FER1L6: variants seen among roughly 807,000 people sequenced by gnomAD.
FER1L6 encodes the protein fer-1-like protein 6.
FER1L6 carries 177 observed loss-of-function variants against 219.2 expected under a neutral mutation model. The ratio of observed to expected loss-of-function variants is 0.81; its 90% CI spans 0.71 to 0.91. The LOEUF is 0.91. Among genes scored for constraint, FER1L6 ranks in the 40% least tolerant of loss-of-function variants. The pLI is 0.00. For missense variants in FER1L6, 2,153 were observed against 2,259.9 expected (o/e 0.95, Z 0.96); for synonymous variants, 768 against 824.3 (o/e 0.93, Z 1.17).
Position 123,909,031 on chromosome 8 carries a change from C to T in FER1L6, c.-7-46961C>T, listed in dbSNP as rs1310263781. On this transcript the variant is annotated intron_variant, in intron 1 of 40. Coordinates refer to ENST00000522917, the MANE Select transcript of FER1L6 (RefSeq NM_001039112.2). The stretch of plus-strand genomic sequence containing the variant: ...GCATGGCCCATGTAAAGGGATTAAC[C>T]ACTCCTCAGGCTCAGTTTGACTGTT... 2.0e-5 allele frequency among the ~76,000 whole-genome samples: 3 copies of T among 152,146 alleles called. No homozygotes were observed. The South Asian group carries it at 6.2e-4, about 32-fold the overall frequency.
At position 123,898,732 on chromosome 8, in the gene FER1L6, G is replaced by A. The variant is rs139619545; in HGVS notation, c.-8+46547G>A. Among the ~76,000 whole-genome samples, 801 of 135,064 alleles carry A rather than the reference G, an allele frequency of 5.9e-3. 13 individuals are homozygous for A. Among genetic ancestry groups the A allele is most frequent in the African/African-American group, 0.022 (776 of 35,548 alleles). The allele number at this position is 135,064 out of a possible 152,430, so 88.6% of individuals were successfully genotyped here. On this transcript the variant is annotated intron_variant, in intron 1 of 40. Coordinates refer to ENST00000522917, the MANE Select transcript of FER1L6 (RefSeq NM_001039112.2). ...GTATATACGTATATGTGTATATATA[G>A]TATATATACATATATACTATATATA...
At chr8:123,866,910 C>G (rs546517531) in intron 1 of FER1L6, among the ~76,000 whole-genome samples, 1 of 152,220 alleles carries the variant, frequency 6.6e-6, no homozygotes, top group Non-Finnish European at 1.5e-5. Context: ...TGAGCTACCA[C>G]GCCTGACCAG....
rs374842375 is a variant in FER1L6 at position 123,968,842 on chromosome 8, C to T, written c.385-1193C>T. ...GTTTTGCCCTTTGAAAGCAGGCCAT[C>T]GTCATTTGGTCAGTTCCTCCTTTCT... On this transcript the variant is annotated intron_variant, in intron 5 of 40. Transcript: ENST00000522917. 2.5e-4 allele frequency among the ~76,000 whole-genome samples: 38 copies of T among 152,188 alleles called. 1 individual carries two copies. The South Asian group carries it at 7.5e-3, about 30-fold the overall frequency.
At chr8:124,108,578 T>C (rs1822876585) in intron 39 of FER1L6, among the ~76,000 whole-genome samples, 1 of 152,136 alleles carries the variant, frequency 6.6e-6, no homozygotes, top group Non-Finnish European at 1.5e-5. Flanking sequence ...GGTTACACTT[T>C]TGGTAAATGT....
In FER1L6 at chr8:123,881,086, A is replaced by T. The variant is rs778533899; in HGVS notation, c.-8+28901A>T. On this transcript the variant is annotated intron_variant, in intron 1 of 40. Transcript: ENST00000522917. ...GACTGTTCACCTTGGGAGTAATTTGAGAGTTATCTTTTGCTTATTTACTTA... is the reference window on the plus strand; with the variant it reads ...GACTGTTCACCTTGGGAGTAATTTGTGAGTTATCTTTTGCTTATTTACTTA... Among the ~76,000 whole-genome samples the T allele has an allele frequency of 5.3e-5, 8 of 152,164 alleles. 1 individual carries two copies. The highest frequency in any genetic ancestry group is 7.3e-5 in the Non-Finnish European group (5 of 68,036).
At chr8:123,965,095 G>C (rs183942623) in intron 3 of FER1L6, among the ~76,000 whole-genome samples, 306 of 152,162 alleles carry the variant, frequency 2.0e-3, no homozygotes, top group Non-Finnish European at 3.6e-3. Flanking sequence ...TTGTCTCCTT[G>C]GGTCCTCAGA....
At chr8:123,918,277 C>T (rs940337369) in intron 1 of FER1L6, among the ~76,000 whole-genome samples, 1 of 150,798 alleles carries the variant, frequency 6.6e-6, no homozygotes, top group African/African-American at 2.4e-5. Context: ...CCACTGCACT[C>T]CAGCCTGGGT....
chr8:124,036,717 A>G (rs190399704), intron 19 of FER1L6, among the ~76,000 whole-genome samples: 217 of 152,268 alleles, frequency 1.4e-3, no homozygotes, highest in African/African-American at 4.6e-3. Flanking sequence ...AAGGACCTGG[A>G]TGTGATTGCT....
chr8:123,983,706 C>T (rs936798326), intron 11 of FER1L6, among the ~76,000 whole-genome samples: 1 of 152,162 alleles, frequency 6.6e-6, no homozygotes, highest in Non-Finnish European at 1.5e-5. Context: ...ACTTAACATT[C>T]CTATGCTTAT....
chr8:123,908,223 C>T (rs910044179), intron 1 of FER1L6, among the ~76,000 whole-genome samples: 17 of 152,208 alleles, frequency 1.1e-4, no homozygotes, highest in African/African-American at 3.4e-4. Context: ...GTAAGAAACA[C>T]GTATTAGTTG....
intron 1 of FER1L6, among the ~76,000 whole-genome samples, chr8:123,910,209 G>A (rs1310205371): frequency 6.6e-6 from 1 of 152,134 alleles, no homozygotes; most frequent in African/African-American, 2.4e-5. Flanking sequence ...AGGGTATGCC[G>A]TCATGTGAAA....
At chr8:124,113,841 T>C (rs955263598) in intron 39 of FER1L6, among the ~76,000 whole-genome samples, 1 of 152,228 alleles carries the variant, frequency 6.6e-6, no homozygotes. Flanking sequence ...GTTTACTCCA[T>C]AGCGGATCAT....
At chr8:124,021,133 C>T (rs973014870) in intron 16 of FER1L6, among the ~76,000 whole-genome samples, 5 of 152,042 alleles carry the variant, frequency 3.3e-5, no homozygotes, top group Admixed American at 2.0e-4. Flanking sequence ...CTCACTATCA[C>T]GAGAACAAAA....
At chr8:123,969,891 ATTG>A in intron 5 of FER1L6, 141 bp from the exon 6 acceptor site, 1 of 616,290 alleles carries the variant, frequency 1.6e-6, no homozygotes, top group Non-Finnish European at 2.9e-6. Context: ...AAAAAAGAGA[ATTG>A]ACAATTGACA....
intron 1 of FER1L6, among the ~76,000 whole-genome samples, chr8:123,890,917 T>C (rs774253480): frequency 1.3e-5 from 2 of 152,100 alleles, no homozygotes; most frequent in African/African-American, 4.8e-5. Flanking sequence ...AATCAATAAT[T>C]TGAGTTGGTT....
At chr8:124,040,210 G>C (rs1239719999) in intron 20 of FER1L6, among the ~76,000 whole-genome samples, 1 of 152,174 alleles carries the variant, frequency 6.6e-6, no homozygotes, top group Non-Finnish European at 1.5e-5. Flanking sequence ...ATTGTCCTAG[G>C]GCAAAGGATG....
intron 39 of FER1L6, among the ~76,000 whole-genome samples, chr8:124,105,471 T>G (rs1017847682): frequency 3.9e-5 from 6 of 152,138 alleles, no homozygotes; most frequent in African/African-American, 7.2e-5. Flanking sequence ...TAATGCTGTG[T>G]AGACAATGGT....
intron 30 of FER1L6, 145 bp downstream of exon 30, chr8:124,070,743 A>AT: frequency 1.5e-6 from 1 of 657,230 alleles, no homozygotes; most frequent in Non-Finnish European, 2.4e-6. Flanking sequence ...AGAACTCCAC[A>AT]AAACCTAGCC....
chr8:124,016,143 A>G (rs1390623383), intron 15 of FER1L6: 1 of 152,450 alleles, frequency 6.6e-6, no homozygotes, highest in East Asian at 1.9e-4. Flanking sequence ...GAAAGGGATC[A>G]GAAGTGATTA....
Sources: gnomAD v4.1 joint callset for allele counts (sites outside exome capture counted in the v4.1 genomes callset) on GRCh38, gnomAD v4.1.1 for gene constraint, MANE v1.5 for transcripts, NCBI Gene and HGNC (gene_info 2026-07-23, HGNC 2026-07-21) for gene names.